The following KMT5A variants were observed in gnomAD, a reference collection of about 807,000 sequenced individuals.
KMT5A encodes N-lysine methyltransferase KMT5A.
KMT5A carries 6 observed loss-of-function variants against 40.6 expected under a neutral mutation model. That is an observed-to-expected ratio of 0.15 (90% CI 0.08 to 0.29). The LOEUF (loss-of-function observed/expected upper bound fraction) is 0.29. KMT5A is among the 10% of genes least tolerant of loss of function. The pLI is 1.00. For missense variants in KMT5A, 308 were observed against 459.1 expected (o/e 0.67, Z 3.01); for synonymous variants, 153 against 178.8 (o/e 0.86, Z 1.15).
chr12:123,407,405 C>T, intron 7 of KMT5A, 88 bp from the exon 8 acceptor site: 1 of 1,231,376 alleles, frequency 8.1e-7, no homozygotes, highest in Non-Finnish European at 1.2e-6. Context: ...AATCAGCATC[C>T]CACCAGAGCT....
At chr12:123,400,363 C>CG (rs1878057785) in intron 5 of KMT5A, among the ~76,000 whole-genome samples, 2 of 110,834 alleles carry the variant, frequency 1.8e-5, no homozygotes, top group African/African-American at 5.1e-5. Context: ...TTTTATTTTG[C>CG]AATTTTTTTT....
rs1876732220 is a variant in KMT5A, at chr12:123,384,270, C to T, written c.10+62C>T. On this transcript the variant is annotated intron_variant, in intron 1 of 7. Transcript: ENST00000402868. This position sits in a 1 kb window ranked among gnomAD's most constrained non-coding sequence, Gnocchi z 5.7. The stretch of plus-strand genomic sequence containing the variant: ...TCGGGGGTCGTGCTGGAGGGGTTGC[C>T]GGGGTGGAGGCAGCGGCTGCGGGGA... 6.2e-7 allele frequency: 1 copy of T among 1,600,336 alleles called. No individual in the cohort carries two copies. The highest frequency in any genetic ancestry group is 2.3e-5 in the East Asian group (1 of 44,386).
chr12:123,405,559 G>A (rs574264459), intron 7 of KMT5A, among the ~76,000 whole-genome samples: 13 of 109,602 alleles, frequency 1.2e-4, no homozygotes, highest in Non-Finnish European at 1.5e-4. Context: ...TCGATCTGTC[G>A]CCCAAGCTGG....
At chr12:123,390,868 T>G in intron 3 of KMT5A, 82 bp downstream of exon 3, 1 of 1,478,896 alleles carries the variant, frequency 6.8e-7, no homozygotes, top group Non-Finnish European at 9.2e-7. Flanking sequence ...TGCACATATG[T>G]ATTTATCCAA....
At chr12:123,389,125 C>CG in intron 1 of KMT5A, 1 of 103,842 alleles carries the variant, frequency 9.6e-6, no homozygotes, top group African/African-American at 3.5e-5. Context: ...GCCGCGGCGG[C>CG]GCTGGTGGCG....
rs1376371753 is a variant in KMT5A at position 123,384,757 on chromosome 12, A to G, written c.10+549A>G. ...AGCGAAGGCCGGGCCCCGCTGGCCC[A>G]CTTTGGGGTAAAACGGGTTCCTGGC... On this transcript the variant is annotated intron_variant, in intron 1 of 7. Coordinates refer to ENST00000402868, the MANE Select transcript of KMT5A (RefSeq NM_020382.7). The surrounding 1 kb of genome is among the most constrained non-coding windows in gnomAD (Gnocchi z 5.7). Among the ~76,000 whole-genome samples the G allele has an allele frequency of 1.3e-5, 2 of 152,198 alleles. No individual in the cohort carries two copies. Among genetic ancestry groups the G allele is most frequent in the East Asian group, 3.8e-4 (2 of 5,198 alleles).
At chr12:123,405,144 A>T in intron 7 of KMT5A, 70 bp downstream of exon 7, 7 of 1,410,542 alleles carry the variant, frequency 5.0e-6, no homozygotes, top group South Asian at 4.4e-5. Context: ...AGGGCCAGGA[A>T]CTCCTGATTC....
At chr12:123,388,170 C>T (rs1047580362) in intron 1 of KMT5A, among the ~76,000 whole-genome samples, 2 of 152,216 alleles carry the variant, frequency 1.3e-5, no homozygotes, top group African/African-American at 4.8e-5. Flanking sequence ...TTAAACCCTT[C>T]TGCAAGACCA....
intron 5 of KMT5A, among the ~76,000 whole-genome samples, chr12:123,402,817 G>A (rs1003831179): frequency 2.0e-5 from 3 of 152,192 alleles, no homozygotes; most frequent in African/African-American, 4.8e-5. Context: ...GAATCTCAGC[G>A]ATCCCAAACA....
chr12:123,394,248 T>A (rs1877526632), intron 3 of KMT5A, among the ~76,000 whole-genome samples: 1 of 151,152 alleles, frequency 6.6e-6, no homozygotes, highest in Non-Finnish European at 1.5e-5. Flanking sequence ...GGATTACAAG[T>A]GTCCGCCAGT....
chr12:123,404,823 T>G, intron 6 of KMT5A, 61 bp from the exon 7 acceptor site: 1 of 1,516,550 alleles, frequency 6.6e-7, no homozygotes, highest in Non-Finnish European at 8.9e-7. Context: ...CCCGGAGACC[T>G]GCTGTGCACA....
chr12:123,390,500 G>T, intron 2 of KMT5A, 130 bp from the exon 3 acceptor site: 1 of 1,113,746 alleles, frequency 9.0e-7, no homozygotes, highest in South Asian at 1.5e-5. Context: ...ATGGGGGCTG[G>T]CATCCCCTGG....
intron 5 of KMT5A, 88 bp from the exon 6 acceptor site, chr12:123,403,485 C>T: frequency 6.9e-7 from 1 of 1,452,422 alleles, no homozygotes; most frequent in Non-Finnish European, 9.6e-7. Context: ...GTGGGCATGG[C>T]CTGGGCAATC....
intron 2 of KMT5A, 23 bp from the exon 3 acceptor site, chr12:123,390,607 A>C: frequency 3.7e-6 from 6 of 1,611,046 alleles, no homozygotes; most frequent in Non-Finnish European, 5.1e-6. Flanking sequence ...AGCCTCTTTC[A>C]GAATATGCTT....
At chr12:123,387,274 G>T (rs889010692) in intron 1 of KMT5A, among the ~76,000 whole-genome samples, 2 of 152,216 alleles carry the variant, frequency 1.3e-5, no homozygotes, top group African/African-American at 4.8e-5. Flanking sequence ...AGGAATAGGT[G>T]CTAGACTTGT....
In KMT5A at chr12:123,395,125, C is replaced by A. The variant is rs776298564; in HGVS notation, c.368C>A (p.Pro123His). Residue 123 changes from proline (P) to histidine (H), a missense_variant, in exon 4 of 8, where the codon CCC becomes CAC. Around this residue, in one of 4 missense-constraint regions of KMT5A, gnomAD observed 127 missense variants for 129.8 expected, o/e 0.98. Coordinates refer to ENST00000402868, the MANE Select transcript of KMT5A (RefSeq NM_020382.7). ...EQKIKDARKGPLVPFPNQKSE... is the reference protein window; with the variant it reads ...EQKIKDARKGHLVPFPNQKSE... ...AAGATCAAAGACGCCAGGAAAGGTCCCCTGGTACCTTTTCCAAACCAAAAA... is the reference window on the plus strand; with the variant it reads ...AAGATCAAAGACGCCAGGAAAGGTCACCTGGTACCTTTTCCAAACCAAAAA... 2.6e-5 allele frequency: 42 copies of A among 1,606,816 alleles called. No individual in the cohort carries two copies. The highest frequency in any genetic ancestry group is 3.2e-5 in the Non-Finnish European group (38 of 1,176,588).
rs1309733096 is a variant in KMT5A, at chr12:123,409,039, G to A, written c.*1336G>A. ...CGGGGCTCAGGAGCCATGACCTGGT[G>A]TCTCCTGCCCACCCTGGTCCCAGGT... On this transcript the variant is annotated 3_prime_UTR_variant, in exon 8 of 8. Transcript: ENST00000402868. 6.6e-6 allele frequency: 1 copy of A among 152,632 alleles called. No individual in the cohort carries two copies. The highest frequency in any genetic ancestry group is 1.5e-5 in the Non-Finnish European group (1 of 68,040). 9.5% of individuals were successfully genotyped at this position (152,632 alleles called of 1,614,324 possible). A position where few individuals can be genotyped will look rare whatever the true frequency, so the allele number is the denominator to read the frequency against.
intron 5 of KMT5A, among the ~76,000 whole-genome samples, chr12:123,402,162 G>T (rs1878228806): frequency 6.6e-6 from 1 of 152,214 alleles, no homozygotes; most frequent in South Asian, 2.1e-4. Flanking sequence ...GATTACAGGA[G>T]AGAGCCACTG....
intron 4 of KMT5A, among the ~76,000 whole-genome samples, chr12:123,395,659 G>T (rs1254359199): frequency 6.6e-6 from 1 of 151,522 alleles, no homozygotes; most frequent in Non-Finnish European, 1.5e-5. Flanking sequence ...CCACCTCCTG[G>T]GTTCAAGCGA....
Sources: gnomAD v4.1 joint callset for allele counts (sites outside exome capture counted in the v4.1 genomes callset) on GRCh38, gnomAD v4.1.1 for gene constraint, gnomAD v4.1.1 regional missense constraint, Gnocchi (gnomAD v3.1) non-coding constraint, MANE v1.5 for transcripts, NCBI Gene and HGNC (gene_info 2026-07-23, HGNC 2026-07-21) for gene names.